The following AGO1 variants were observed in gnomAD, a reference collection of about 807,000 sequenced individuals.
The protein encoded by AGO1 is argonaute RISC component 1.
AGO1 carries 11 observed loss-of-function variants against 109.2 expected under a neutral mutation model. The observed-to-expected ratio is 0.10, with a 90% CI of 0.06 to 0.17. The LOEUF is 0.17. Among genes scored for constraint, AGO1 ranks in the 10% least tolerant of loss-of-function variants. The probability of loss-of-function intolerance (pLI) is 1.00; values close to 1 mark genes in which losing one functional copy is unlikely to be tolerated. For missense variants in AGO1, 574 were observed against 1,140.3 expected (o/e 0.50, Z 7.15); for synonymous variants, 422 against 418.6 (o/e 1.01, Z -0.10).
intron 1 of AGO1, among the ~76,000 whole-genome samples, chr1:35,871,113 C>T (rs1008961554): frequency 2.0e-5 from 3 of 152,172 alleles, no homozygotes; most frequent in Admixed American, 6.5e-5. Context: ...AGGGTGTGCA[C>T]GTCTTCAACT....
At chr1:35,881,245 ATT>A (rs1382084294), upstream of AGO1, among the ~76,000 whole-genome samples, 1 of 152,184 alleles carries the variant, frequency 6.6e-6, no homozygotes, top group Non-Finnish European at 1.5e-5. Flanking sequence ...AGAAATGCAC[ATT>A]TTTGGGTCCC....
In AGO1 at chr1:35,902,014, A is replaced by G. The variant is rs1557612417; in HGVS notation, c.1207A>G (p.Met403Val). 1.9e-6 allele frequency: 3 copies of G among 1,612,184 alleles called. No individual in the cohort carries two copies. The highest frequency in any genetic ancestry group is 2.5e-6 in the Non-Finnish European group (3 of 1,179,112). Residue 403 changes from methionine (M) to valine (V), a missense_variant, in exon 10 of 19, where the codon ATG becomes GTG. Physicochemically the swap from Met to Val is conservative, Grantham distance 21. This residue lies in a region of AGO1 where 106 missense variants were observed against 147.8 expected (regional missense o/e 0.72). Coordinates refer to ENST00000373204, the MANE Select transcript of AGO1 (RefSeq NM_012199.5). Reference sequence around the variant, plus strand: ...ATTTGGGATCAAAGTGAAGGATGACATGACGGAGGTGACAGGGCGAGTGCT... The same window carrying G: ...ATTTGGGATCAAAGTGAAGGATGACGTGACGGAGGTGACAGGGCGAGTGCT... ...QEFGIKVKDD[M>V]TEVTGRVLPA...
intron 1 of AGO1, chr1:35,870,045 T>A (rs969279091): frequency 7.9e-5 from 12 of 152,078 alleles, no homozygotes; most frequent in Non-Finnish European, 1.8e-4. Flanking sequence ...AATTTTTATT[T>A]ATTTAATTTT....
chr1:35,889,240 G>A (rs1221887730), intron 2 of AGO1, among the ~76,000 whole-genome samples: 1 of 149,846 alleles, frequency 6.7e-6, no homozygotes, highest in African/African-American at 2.5e-5. Context: ...TTTTGAGAGG[G>A]AGTTTTGCTC....
intron 12 of AGO1, among the ~76,000 whole-genome samples, chr1:35,909,368 C>G (rs1045264631): frequency 2.0e-5 from 3 of 152,192 alleles, no homozygotes; most frequent in African/African-American, 7.2e-5. Flanking sequence ...GGACACATAT[C>G]TAACCTTTCT....
chr1:35,910,573 A>G (rs374671298), intron 12 of AGO1, among the ~76,000 whole-genome samples: 4 of 152,152 alleles, frequency 2.6e-5, no homozygotes, highest in South Asian at 4.1e-4. Flanking sequence ...TTCTAATACC[A>G]TAAGTTAGTT....
In AGO1 at chr1:35,896,723, G is replaced by A. The variant is rs1411322685; in HGVS notation, c.1020+1454G>A. On this transcript the variant is annotated intron_variant, in intron 8 of 18. Coordinates refer to ENST00000373204, the MANE Select transcript of AGO1 (RefSeq NM_012199.5). ...CAGACCAAAGCTCTAGTCTTCTGGT[G>A]AGCTTCTAGGATTTCAGAACTAACC... 5.9e-5 allele frequency among the ~76,000 whole-genome samples: 9 copies of A among 152,134 alleles called. No individual in the cohort carries two copies. The South Asian group carries it at 1.9e-3, about 32-fold the overall frequency.
chr1:35,882,241 C>T (rs1645044509), upstream of AGO1, among the ~76,000 whole-genome samples: 1 of 152,076 alleles, frequency 6.6e-6, no homozygotes, highest in African/African-American at 2.4e-5. The surrounding 1 kb of genome is among the most constrained non-coding windows in gnomAD (Gnocchi z 5.1). Context: ...GAGTATGAGA[C>T]ATGGTTGGAA....
At chr1:35,895,422 C>T (rs1182661964) in intron 8 of AGO1, among the ~76,000 whole-genome samples, 153 bp downstream of exon 8, 1 of 152,184 alleles carries the variant, frequency 6.6e-6, no homozygotes, top group Non-Finnish European at 1.5e-5. Flanking sequence ...TCATTCTTAC[C>T]TGCTAAGTTG....
rs1172290343 is a variant in AGO1, at chr1:35,928,846, A to C, written c.*9239A>C. Reference sequence around the variant, plus strand: ...ACTGGGTATTTGATGGCTCCTGAGGAGGTTCAACTTTCAGAGCGCACTGAT... The same window carrying C: ...ACTGGGTATTTGATGGCTCCTGAGGCGGTTCAACTTTCAGAGCGCACTGAT... On this transcript the variant is annotated 3_prime_UTR_variant, in exon 19 of 19. Coordinates refer to ENST00000373204, the MANE Select transcript of AGO1 (RefSeq NM_012199.5). 6.6e-6 allele frequency: 1 copy of C among 152,144 alleles called. No individual in the cohort carries two copies. The highest frequency in any genetic ancestry group is 1.5e-5 in the Non-Finnish European group (1 of 68,018). 9.4% of individuals were successfully genotyped at this position (152,144 alleles called of 1,614,324 possible). A position where few individuals can be genotyped will look rare whatever the true frequency, so the allele number is the denominator to read the frequency against.
In AGO1 at chr1:35,906,225, A is replaced by T. The variant is rs965546464; in HGVS notation, c.1398-710A>T. 5.3e-5 allele frequency among the ~76,000 whole-genome samples: 8 copies of T among 152,270 alleles called. 1 individual carries two copies. The highest frequency in any genetic ancestry group is 3.9e-4 in the Admixed American group (6 of 15,288). On this transcript the variant is annotated intron_variant, in intron 11 of 18. Coordinates refer to ENST00000373204, the MANE Select transcript of AGO1 (RefSeq NM_012199.5). ...GAACCAGTTGGGAAGGAGGGAACTC[A>T]TTTTTACTGAGCATCTCTTGTGCTC...
At chr1:35,879,402 C>T (rs1006160248), upstream of AGO1, among the ~76,000 whole-genome samples, 7 of 151,452 alleles carry the variant, frequency 4.6e-5, no homozygotes, top group East Asian at 1.9e-4. Flanking sequence ...GAGCCAAGAT[C>T]GTGCCATTGC....
Position 35,883,494 on chromosome 1 carries a change from G to C in AGO1, c.25+48G>C, listed in dbSNP as rs772454053. On this transcript the variant is annotated intron_variant, in intron 1 of 18. Coordinates refer to ENST00000373204, the MANE Select transcript of AGO1 (RefSeq NM_012199.5). This position sits in a 1 kb window ranked among gnomAD's most constrained non-coding sequence, Gnocchi z 5.4. ...ACGGTGCATGCTCCAAGGACTGGGG[G>C]ATCCCGCATGAAAAGCGTGGTTTCC... 2.7e-6 allele frequency: 4 copies of C among 1,505,324 alleles called. No individual in the cohort carries two copies. The highest frequency in any genetic ancestry group is 3.5e-6 in the Non-Finnish European group (4 of 1,132,014). 93.2% of individuals were successfully genotyped at this position (1,505,324 alleles called of 1,614,324 possible).
chr1:35,881,636 T>C (rs955959169), upstream of AGO1, among the ~76,000 whole-genome samples: 1 of 152,246 alleles, frequency 6.6e-6, no homozygotes, highest in Admixed American at 6.5e-5. Flanking sequence ...ATCCAAGTTT[T>C]AACAAGCTTT....
chr1:35,873,270 T>C (rs1644967960), intron 1 of AGO1: 1 of 153,028 alleles, frequency 6.5e-6, no homozygotes, highest in Admixed American at 6.5e-5. Flanking sequence ...AAAAGTTTTA[T>C]AACCAAGCTG....
rs1571381248 is a variant in AGO1 at position 35,919,758 on chromosome 1, T to C, written c.*151T>C. On this transcript the variant is annotated 3_prime_UTR_variant, in exon 19 of 19. Coordinates refer to ENST00000373204, the MANE Select transcript of AGO1 (RefSeq NM_012199.5). This position sits in a 1 kb window ranked among gnomAD's most constrained non-coding sequence, Gnocchi z 6.6. ...TCCTTCTATAGAGGTGGTGTAAGAG[T>C]GGGGAACAGGGCCAGCAAGACAGAC... is the stretch of plus-strand genomic sequence containing the variant. 2 of 672,320 alleles carry C rather than the reference T, an allele frequency of 3.0e-6. No homozygotes were observed. The highest frequency in any genetic ancestry group is 5.9e-5 in the Admixed American group (2 of 34,054). The allele number at this position is 672,320 out of a possible 1,614,324, so 41.6% of individuals were successfully genotyped here.
chr1:35,883,046 AC>A (rs776933499), upstream of AGO1, among the ~76,000 whole-genome samples: 7 of 152,064 alleles, frequency 4.6e-5, no homozygotes, highest in Non-Finnish European at 8.8e-5. This position sits in a 1 kb window ranked among gnomAD's most constrained non-coding sequence, Gnocchi z 5.4. Context: ...AGGCACCTCT[AC>A]TGGCGCCCTC....
At chr1:35,876,271 GTT>G (rs547889113) in intron 1 of AGO1, among the ~76,000 whole-genome samples, 2 of 142,522 alleles carry the variant, frequency 1.4e-5, no homozygotes, top group African/African-American at 2.6e-5. Context: ...TTTGTTTTTT[GTT>G]TTTTTTTTTT....
In AGO1 at chr1:35,914,246, G is replaced by A; in HGVS notation, c.1805G>A (p.Gly602Glu). 1 of 1,614,098 alleles carries A rather than the reference G, an allele frequency of 6.2e-7. No individual in the cohort carries two copies. Among genetic ancestry groups the A allele is most frequent in the Non-Finnish European group, 8.5e-7 (1 of 1,179,982 alleles). ...GCAGATGTTACACACCCCCCAGCAGGGGATGGGAAAAAACCTTCTATCACA... is the reference window on the plus strand; with the variant it reads ...GCAGATGTTACACACCCCCCAGCAGAGGATGGGAAAAAACCTTCTATCACA... ...LGADVTHPPA[G>E]DGKKPSITAV... Residue 602 changes from glycine to glutamate, a missense_variant, in exon 14 of 19, where the codon GGG becomes GAG. Around this residue, in one of 8 missense-constraint regions of AGO1, gnomAD observed 68 missense variants for 200.2 expected, o/e 0.34. Transcript: ENST00000373204.
Sources: allele counts gnomAD v4.1 joint callset (sites outside exome capture counted in the v4.1 genomes callset), GRCh38; gene constraint gnomAD v4.1.1; regional missense constraint gnomAD v4.1.1; non-coding constraint Gnocchi (gnomAD v3.1); transcripts MANE v1.5; gene names NCBI Gene and HGNC (gene_info 2026-07-23, HGNC 2026-07-21).